MTUS1: variants seen among roughly 807,000 people sequenced by gnomAD.
The protein encoded by MTUS1 is microtubule-associated tumor suppressor 1.
Under a neutral mutation model 120.8 loss-of-function variants are expected in MTUS1, and 109 were observed. That is an observed-to-expected ratio of 0.90 (90% CI 0.77 to 1.06). MTUS1 has a LOEUF of 1.06. MTUS1 is among the 50% of genes least tolerant of loss of function. MTUS1 has a pLI of 0.00. For synonymous variants in MTUS1, 737 were observed against 550.5 expected (o/e 1.34, Z -4.74); for missense variants, 2,210 against 1,486.3 (o/e 1.49, Z -8.01).
intron 12 of MTUS1, 47 bp from the exon 13 acceptor site, chr8:17,650,009 A>T (rs781607741): frequency 1.0e-6 from 1 of 967,756 alleles, no homozygotes; most frequent in African/African-American, 1.6e-5. Flanking sequence ...CATAGTTCAA[A>T]TTCTTAACAG....
At chr8:17,658,423 G>GAT (rs1808927286) in intron 8 of MTUS1, among the ~76,000 whole-genome samples, 1 of 152,140 alleles carries the variant, frequency 6.6e-6, no homozygotes, top group Non-Finnish European at 1.5e-5. Context: ...CACAACCAAA[G>GAT]ATATATGTAC....
At chr8:17,705,156 G>A (rs551063683) in intron 6 of MTUS1, among the ~76,000 whole-genome samples, 1 of 151,988 alleles carries the variant, frequency 6.6e-6, no homozygotes, top group African/African-American at 2.4e-5. Flanking sequence ...TAATTTTTTT[G>A]TATTTTTGGT....
intron 6 of MTUS1, among the ~76,000 whole-genome samples, chr8:17,692,521 G>A (rs1002187514): frequency 6.6e-6 from 1 of 152,134 alleles, no homozygotes; most frequent in African/African-American, 2.4e-5. Flanking sequence ...AGAGTCAAAA[G>A]TGAATACCAA....
chr8:17,683,691 C>G (rs762697598), intron 7 of MTUS1, among the ~76,000 whole-genome samples: 1 of 151,960 alleles, frequency 6.6e-6, no homozygotes, highest in Non-Finnish European at 1.5e-5. Context: ...TATCAGTTGC[C>G]CCCTGAGATA....
rs78720062 is a variant in MTUS1, at chr8:17,676,357, C to T, written c.2839-1105G>A. 6.1e-4 allele frequency: 427 copies of T among 702,874 alleles called. 1 individual carries two copies. Among genetic ancestry groups the T allele is most frequent in the African/African-American group, 5.7e-3 (328 of 57,372 alleles). The allele number at this position is 702,874 out of a possible 1,614,324, so 43.5% of individuals were successfully genotyped here. A position where few individuals can be genotyped will look rare whatever the true frequency, so the allele number is the denominator to read the frequency against. On this transcript the variant is annotated intron_variant, in intron 7 of 14. Coordinates refer to ENST00000693296, the MANE Select transcript of MTUS1 (RefSeq NM_001363059.2). The stretch of plus-strand genomic sequence containing the variant: ...TCCAGCTTCTGTCTCCAAGTCCCCC[C>T]ACCCCTCGCACTGTGCAAGAAGCAT...
At chr8:17,696,648 C>A (rs402034) in intron 6 of MTUS1, among the ~76,000 whole-genome samples, 36,199 of 151,818 alleles carry the variant, frequency 0.24, 4,662 homozygotes, top group East Asian at 0.46. Flanking sequence ...TCTTAGGCAC[C>A]GAAAATAATA....
At chr8:17,716,903 A>G (rs1470228554) in intron 4 of MTUS1, among the ~76,000 whole-genome samples, 1 of 152,158 alleles carries the variant, frequency 6.6e-6, no homozygotes, top group Non-Finnish European at 1.5e-5. Flanking sequence ...ACCCAATTCT[A>G]TTCTACTATT....
chr8:17,737,812 T>C (rs891012292), intron 3 of MTUS1, among the ~76,000 whole-genome samples: 11 of 152,194 alleles, frequency 7.2e-5, no homozygotes, highest in Non-Finnish European at 1.0e-4. Context: ...GAATAACTTA[T>C]TGGGTAATAA....
At chr8:17,761,724 T>C (rs2049051593) in intron 1 of MTUS1, among the ~76,000 whole-genome samples, 1 of 152,348 alleles carries the variant, frequency 6.6e-6, no homozygotes, top group Non-Finnish European at 1.5e-5. Context: ...CCACACAGAA[T>C]GTAATTTTAC....
At chr8:17,790,570 C>A (rs571259172) in intron 1 of MTUS1, among the ~76,000 whole-genome samples, 1 of 152,312 alleles carries the variant, frequency 6.6e-6, no homozygotes, top group Admixed American at 6.5e-5. Flanking sequence ...CAATTTTTCA[C>A]TTGTGCTACT....
At chr8:17,683,010 T>G (rs1264886280) in intron 7 of MTUS1, among the ~76,000 whole-genome samples, 1 of 152,316 alleles carries the variant, frequency 6.6e-6, no homozygotes, top group Admixed American at 6.5e-5. Context: ...CAGTGGCGCA[T>G]GCCTGTAATC....
intron 8 of MTUS1, among the ~76,000 whole-genome samples, chr8:17,656,675 C>A (rs1219301370): frequency 1.3e-5 from 2 of 151,804 alleles, no homozygotes; most frequent in African/African-American, 2.4e-5. Flanking sequence ...AGAAAAGAGC[C>A]TTGGCCAGGC....
chr8:17,735,082 CTCTTA>C (rs2046837140), intron 3 of MTUS1, among the ~76,000 whole-genome samples: 2 of 152,094 alleles, frequency 1.3e-5, no homozygotes, highest in Non-Finnish European at 2.9e-5. Flanking sequence ...CTGGGCCTGT[CTCTTA>C]TATCTTTATG....
intron 8 of MTUS1, among the ~76,000 whole-genome samples, chr8:17,658,022 T>TACACACACACACAC (rs776352415): frequency 8.3e-5 from 3 of 36,362 alleles, no homozygotes; most frequent in Non-Finnish European, 1.8e-4. Flanking sequence ...ACTATATATA[T>TACACACACACACAC]AGACACACAC....
chr8:17,738,625 A>G (rs1040920955), intron 3 of MTUS1, among the ~76,000 whole-genome samples: 1 of 152,180 alleles, frequency 6.6e-6, no homozygotes, highest in African/African-American at 2.4e-5. Flanking sequence ...TTACATAGGT[A>G]AACATGGGCC....
rs115484284 is a variant in MTUS1 at position 17,695,697 on chromosome 8, C to G, written c.2624-11155G>C. On this transcript the variant is annotated intron_variant, in intron 6 of 14. Transcript: ENST00000693296. ...TACCCAATAATGGAATGTTACAGAA[C>G]TATTTTTTTTAATGAGGTAGATAAA... Among the ~76,000 whole-genome samples the G allele has an allele frequency of 5.5e-3, 831 of 152,062 alleles. 15 individuals carry two copies. The highest frequency in any genetic ancestry group is 0.019 in the African/African-American group (808 of 41,484).
At chr8:17,650,472 A>G (rs1444558023) in intron 12 of MTUS1, among the ~76,000 whole-genome samples, 1 of 152,186 alleles carries the variant, frequency 6.6e-6, no homozygotes, top group East Asian at 1.9e-4. Context: ...TAGGGCAGAC[A>G]TAATACTATC....
chr8:17,663,937 G>C (rs1010919027), intron 8 of MTUS1: 1 of 152,186 alleles, frequency 6.6e-6, no homozygotes, highest in Admixed American at 6.5e-5. Context: ...GATATTATTA[G>C]TCCCTTCTCT....
At chr8:17,680,827 G>C (rs1814304104) in intron 7 of MTUS1, among the ~76,000 whole-genome samples, 1 of 152,188 alleles carries the variant, frequency 6.6e-6, no homozygotes, top group Admixed American at 6.5e-5. Flanking sequence ...GGACTGAGCA[G>C]ACACATGAAG....
Sources: allele counts gnomAD v4.1 joint callset (sites outside exome capture counted in the v4.1 genomes callset), GRCh38; gene constraint gnomAD v4.1.1; transcripts MANE v1.5; gene names NCBI Gene and HGNC (gene_info 2026-07-23, HGNC 2026-07-21).